Variants in DAAM2 observed in about 807,000 individuals in gnomAD.
DAAM2 encodes the protein disheveled-associated activator of morphogenesis 2.
Under a neutral mutation model 120.7 loss-of-function variants are expected in DAAM2, and 39 were observed. That is an observed-to-expected ratio of 0.32 (90% CI 0.25 to 0.42). DAAM2 has a LOEUF of 0.42. DAAM2 is among the 10% of genes least tolerant of loss of function. The pLI, the probability that DAAM2 is intolerant of heterozygous loss-of-function variation, is 1.00. For synonymous variants in DAAM2, 488 were observed against 524.9 expected (o/e 0.93, Z 0.96); for missense variants, 1,283 against 1,401.7 (o/e 0.92, Z 1.35).
At chr6:39,881,096 CA>C (rs1267339702) in intron 14 of DAAM2, among the ~76,000 whole-genome samples, 5 of 152,190 alleles carry the variant, frequency 3.3e-5, no homozygotes, top group African/African-American at 1.2e-4. Context: ...TGAAGGAAGA[CA>C]GCTAAAGCAA....
intron 1 of DAAM2, among the ~76,000 whole-genome samples, chr6:39,845,340 A>C (rs1326526306): frequency 6.6e-3 from 3 of 452 alleles, no homozygotes; most frequent in Non-Finnish European, 0.013. Context: ...CACATCCCAT[A>C]CACATCCCAT....
At chr6:39,825,471 G>A (rs894852131) in intron 1 of DAAM2, among the ~76,000 whole-genome samples, 2 of 150,806 alleles carry the variant, frequency 1.3e-5, no homozygotes, top group African/African-American at 2.4e-5. Context: ...TTTCTTGAAG[G>A]AAACATAGTT....
At chr6:39,849,448 A>C (rs890539682) in intron 1 of DAAM2, among the ~76,000 whole-genome samples, 1 of 152,228 alleles carries the variant, frequency 6.6e-6, no homozygotes, top group Non-Finnish European at 1.5e-5. Flanking sequence ...TACTTTTACT[A>C]GGCTCTATTC....
intron 1 of DAAM2, among the ~76,000 whole-genome samples, chr6:39,841,485 G>T (rs925110881): frequency 1.3e-5 from 2 of 152,046 alleles, no homozygotes; most frequent in Non-Finnish European, 2.9e-5. Flanking sequence ...GAGTGGCTTC[G>T]GCTGAATCAG....
intron 15 of DAAM2, chr6:39,887,271 T>G: frequency 2.0e-6 from 1 of 489,176 alleles, no homozygotes; most frequent in African/African-American, 2.0e-5. Flanking sequence ...CTTCTCGGTG[T>G]CCTTCCCCAA....
chr6:39,858,150 T>C (rs1237503487), intron 2 of DAAM2, among the ~76,000 whole-genome samples: 2 of 152,082 alleles, frequency 1.3e-5, no homozygotes, highest in South Asian at 4.1e-4. Context: ...TGGGTCCTTT[T>C]GGGGTACACA....
Position 39,797,147 on chromosome 6 carries a change from A to G in DAAM2, c.-57+4682A>G, listed in dbSNP as rs1283297459. Among the ~76,000 whole-genome samples, 3 of 152,184 alleles carry G rather than the reference A, an allele frequency of 2.0e-5. No homozygotes were observed. In the South Asian group the frequency reaches 6.2e-4, roughly 32 times the overall value. The stretch of plus-strand genomic sequence containing the variant: ...CAGCCCCATGTGACCCTCTATTGGA[A>G]TAAAGGAAAGGCCACTAGCTCACTC... On this transcript the variant is annotated intron_variant, in intron 1 of 24. Coordinates refer to ENST00000274867, the MANE Select transcript of DAAM2 (RefSeq NM_001201427.2).
At chr6:39,833,253 CTCTTTTCCTTTCTTT>C (rs1438219097) in intron 1 of DAAM2, among the ~76,000 whole-genome samples, 2 of 151,922 alleles carry the variant, frequency 1.3e-5, no homozygotes, top group Non-Finnish European at 1.5e-5. Context: ...CTTTTCTTTT[CTCTTTTCCTTTCTTT>C]TCTTTTCCTT....
At chr6:39,833,604 A>G (rs1014387698) in intron 1 of DAAM2, among the ~76,000 whole-genome samples, 1 of 152,170 alleles carries the variant, frequency 6.6e-6, no homozygotes, top group Non-Finnish European at 1.5e-5. Flanking sequence ...TACCACGCAC[A>G]GCCTATAAAG....
At chr6:39,828,559 C>T (rs9471176) in intron 1 of DAAM2, among the ~76,000 whole-genome samples, 2 of 149,410 alleles carry the variant, frequency 1.3e-5, no homozygotes, top group Admixed American at 1.3e-4. Context: ...ATTCCCTCCA[C>T]CCCCCTCCGT....
rs543612445 is a variant in DAAM2, at chr6:39,865,059, G to A, written c.413G>A (p.Arg138Gln). ...GTGGAAGACCTGAAGACAGCCCTCC[G>A]GACACAGCCTATGAGGTAATTCAGT... ...QVVEDLKTAL[R>Q]TQPMRFVTRF... is the part of the protein sequence containing the mutation. The change falls in exon 5 of 25, where the codon CGG becomes CAG. Residue 138 changes from arginine to glutamine, a missense_variant. Arg to Gln is a conservative substitution (Grantham distance 43). This residue lies in a region of DAAM2 where 197 missense variants were observed against 189.3 expected (regional missense o/e 1.04). Transcript: ENST00000274867. 50 of 1,572,808 alleles carry A rather than the reference G, an allele frequency of 3.2e-5. No homozygotes were observed. In the Admixed American group the frequency reaches 5.3e-4, roughly 17 times the overall value.
chr6:39,887,276 C>A, intron 15 of DAAM2: 1 of 517,012 alleles, frequency 1.9e-6, no homozygotes, highest in Non-Finnish European at 3.4e-6. Context: ...CGGTGTCCTT[C>A]CCCAACCCAT....
In DAAM2 at chr6:39,870,387, G is replaced by A. The variant is rs1395153668; in HGVS notation, c.921G>A (p.Leu307=). The part of the protein sequence containing the change: ...RLHLRYEFLM[L]GIQPVIDKLR... ...ATCTACGGTATGAATTCCTGATGCT[G>A]GGTATACAGCCTGTGATTGACAAGC... The change falls in exon 8 of 25, where the codon CTG becomes CTA. Residue 307 remains leucine, a synonymous_variant. Coordinates refer to ENST00000274867, the MANE Select transcript of DAAM2 (RefSeq NM_001201427.2). 1 of 1,587,862 alleles carries A rather than the reference G, an allele frequency of 6.3e-7. No individual in the cohort carries two copies. Among genetic ancestry groups the A allele is most frequent in the Middle Eastern group, 1.7e-4 (1 of 6,028 alleles).
At chr6:39,800,022 C>G (rs1300149202) in intron 1 of DAAM2, among the ~76,000 whole-genome samples, 1 of 152,224 alleles carries the variant, frequency 6.6e-6, no homozygotes, top group Non-Finnish European at 1.5e-5. Context: ...CATCCTTACA[C>G]TGGATGTAAC....
At chr6:39,828,934 G>T (rs1282862962) in intron 1 of DAAM2, among the ~76,000 whole-genome samples, 4 of 152,186 alleles carry the variant, frequency 2.6e-5, no homozygotes, top group African/African-American at 7.2e-5. Flanking sequence ...TTCAACATAT[G>T]CATTTTGGAG....
chr6:39,818,621 C>T (rs561534808), intron 1 of DAAM2: 55 of 152,268 alleles, frequency 3.6e-4, no homozygotes, highest in African/African-American at 1.1e-3. Flanking sequence ...TACTGAACAT[C>T]GTCCTGTTAT....
intron 1 of DAAM2, among the ~76,000 whole-genome samples, chr6:39,831,966 G>A (rs1227063648): frequency 8.1e-6 from 1 of 123,616 alleles, no homozygotes; most frequent in East Asian, 2.9e-4. Flanking sequence ...AGGTGCACTG[G>A]GGGGGTAGGT....
intron 1 of DAAM2, among the ~76,000 whole-genome samples, chr6:39,837,663 CAAAAA>C (rs758751293): frequency 7.3e-5 from 3 of 41,202 alleles, no homozygotes; most frequent in Admixed American, 3.2e-4. Context: ...AACTCCATCT[CAAAAA>C]AAAAAAAAAA....
rs936860762 is a variant in DAAM2 at position 39,904,038 on chromosome 6, C to G, written c.*2001C>G. On this transcript the variant is annotated 3_prime_UTR_variant, in exon 25 of 25. Transcript: ENST00000274867. ...AGGCCTCTAAAGGTCCTCTCCCAAA[C>G]TGACCAGGCTGATGTCAACCTAACC... The G allele has an allele frequency of 5.4e-6, 2 of 371,562 alleles. No individual in the cohort carries two copies. Among genetic ancestry groups the G allele is most frequent in the Non-Finnish European group, 1.1e-5 (2 of 190,050 alleles). 23.0% of individuals were successfully genotyped at this position (371,562 alleles called of 1,614,324 possible).
Sources: allele counts gnomAD v4.1 joint callset (sites outside exome capture counted in the v4.1 genomes callset), GRCh38; gene constraint gnomAD v4.1.1; regional missense constraint gnomAD v4.1.1; transcripts MANE v1.5; gene names NCBI Gene and HGNC (gene_info 2026-07-23, HGNC 2026-07-21).